Variants in OSBPL1A observed in about 807,000 individuals in gnomAD.
OSBPL1A encodes oxysterol-binding protein-related protein 1.
A neutral mutation model predicts 137.1 loss-of-function variants in OSBPL1A; 80 were observed. The ratio of observed to expected loss-of-function variants is 0.58; its 90% CI spans 0.49 to 0.70. The LOEUF is 0.70. OSBPL1A is among the 30% of genes least tolerant of loss of function. OSBPL1A has a pLI of 0.00. For synonymous variants in OSBPL1A, 365 were observed against 389.7 expected (o/e 0.94, Z 0.75); for missense variants, 970 against 1,129.4 (o/e 0.86, Z 2.02).
At chr18:24,198,571 C>T (rs868087959) in intron 17 of OSBPL1A, among the ~76,000 whole-genome samples, 10 of 152,204 alleles carry the variant, frequency 6.6e-5, no homozygotes, top group South Asian at 4.2e-4. Flanking sequence ...CCGTAGGACA[C>T]GCAGAGCCAA....
At chr18:24,262,440 A>G (rs997468530) in intron 15 of OSBPL1A, among the ~76,000 whole-genome samples, 1 of 152,192 alleles carries the variant, frequency 6.6e-6, no homozygotes, top group Non-Finnish European at 1.5e-5. Flanking sequence ...CATTTTTAAA[A>G]GTAGGGAAGT....
At chr18:24,321,953 G>C (rs1008505628) in intron 7 of OSBPL1A, among the ~76,000 whole-genome samples, 4 of 152,018 alleles carry the variant, frequency 2.6e-5, no homozygotes, top group African/African-American at 9.7e-5. Flanking sequence ...TCTGGCTGTT[G>C]TGTGCAATAT....
intron 13 of OSBPL1A, among the ~76,000 whole-genome samples, chr18:24,310,546 G>C (rs1332451380): frequency 3.2e-4 from 46 of 143,682 alleles, no homozygotes; most frequent in Non-Finnish European, 7.5e-5. Context: ...AACTTGCAGT[G>C]AGCCGAGATC....
intron 7 of OSBPL1A, among the ~76,000 whole-genome samples, chr18:24,326,121 A>G (rs980003644): frequency 1.3e-5 from 2 of 152,230 alleles, no homozygotes; most frequent in African/African-American, 4.8e-5. Flanking sequence ...AAAAACATAC[A>G]GAATTGTTCT....
chr18:24,224,145 T>G (rs1031335852), intron 17 of OSBPL1A, among the ~76,000 whole-genome samples: 3 of 152,102 alleles, frequency 2.0e-5, no homozygotes, highest in South Asian at 2.1e-4. Flanking sequence ...AAATACAAAC[T>G]GAGACATTTT....
chr18:24,321,056 G>T (rs541938495), intron 7 of OSBPL1A, among the ~76,000 whole-genome samples: 11 of 147,524 alleles, frequency 7.5e-5, no homozygotes, highest in East Asian at 5.9e-4. Flanking sequence ...GAAAAGAAAA[G>T]AATAATAATA....
At chr18:24,320,391 A>G (rs911251315) in intron 7 of OSBPL1A, among the ~76,000 whole-genome samples, 1 of 152,176 alleles carries the variant, frequency 6.6e-6, no homozygotes, top group Non-Finnish European at 1.5e-5. Context: ...CTGGGATACC[A>G]CTTTAGATTG....
chr18:24,259,442 C>T (rs1381228040), intron 15 of OSBPL1A, among the ~76,000 whole-genome samples: 1 of 152,122 alleles, frequency 6.6e-6, no homozygotes, highest in African/African-American at 2.4e-5. Flanking sequence ...TCTCTGTCAG[C>T]TATAGACAAA....
intron 7 of OSBPL1A, among the ~76,000 whole-genome samples, chr18:24,329,783 T>TA (rs921328817): frequency 2.0e-5 from 3 of 152,102 alleles, no homozygotes; most frequent in Non-Finnish European, 4.4e-5. Context: ...TATCTTTGTA[T>TA]AAAAAAAGTC....
At chr18:24,338,924 G>C (rs2091227505) in intron 5 of OSBPL1A, among the ~76,000 whole-genome samples, 2 of 152,132 alleles carry the variant, frequency 1.3e-5, no homozygotes, top group South Asian at 2.1e-4. Flanking sequence ...ATCTTGGCCA[G>C]GGTGGTCTTG....
rs142561204 is a variant in OSBPL1A at position 24,312,082 on chromosome 18, G to A, written c.994C>T (p.His332Tyr). 1.3e-5 allele frequency: 21 copies of A among 1,613,840 alleles called. No homozygotes were observed. The African/African-American group carries it at 1.3e-4, about 10-fold the overall frequency. ...CAGTAGTGAGTGCTGTAAGCAGAAT[G>A]TTCTTCTATTGCTTCCAGCCAGTCC... is the stretch of plus-strand genomic sequence containing the variant. Reference protein sequence around the residue: ...REDWLEAIEEHSAYSTHYCSQ... With the variant: ...REDWLEAIEEYSAYSTHYCSQ... The change falls in exon 13 of 28, where the codon CAT becomes TAT. Residue 332 changes from histidine to tyrosine, a missense_variant. His to Tyr is a moderately conservative substitution (Grantham distance 83). Coordinates refer to ENST00000319481, the MANE Select transcript of OSBPL1A (RefSeq NM_080597.4).
At chr18:24,206,130 G>T (rs2087368612) in intron 17 of OSBPL1A, among the ~76,000 whole-genome samples, 1 of 152,136 alleles carries the variant, frequency 6.6e-6, no homozygotes. Context: ...ACCTCAGATT[G>T]TCCTCGCACC....
intron 15 of OSBPL1A, among the ~76,000 whole-genome samples, chr18:24,248,283 CT>C (rs2088963789): frequency 6.6e-6 from 1 of 152,190 alleles, no homozygotes; most frequent in South Asian, 2.1e-4. Context: ...CCTCTAGTCT[CT>C]TGACATTATA....
At chr18:24,318,480 G>T in intron 9 of OSBPL1A, 121 bp downstream of exon 9, 2 of 832,076 alleles carry the variant, frequency 2.4e-6, no homozygotes, top group South Asian at 1.7e-5. Context: ...TACATTATAC[G>T]ATCCAAGAGC....
At chr18:24,377,654 A>G in intron 1 of OSBPL1A, 119 bp from the exon 2 acceptor site, 1 of 1,018,030 alleles carries the variant, frequency 9.8e-7, no homozygotes, top group South Asian at 1.8e-5. Flanking sequence ...GACAGACACA[A>G]CAACTGAATA....
chr18:24,226,737 G>T (rs960435657), intron 16 of OSBPL1A, among the ~76,000 whole-genome samples: 2 of 152,068 alleles, frequency 1.3e-5, no homozygotes, highest in Non-Finnish European at 2.9e-5. Flanking sequence ...ATGCACCTTT[G>T]GCTCTCAACG....
At chr18:24,352,723 G>A (rs1394853484) in intron 4 of OSBPL1A, among the ~76,000 whole-genome samples, 1 of 152,134 alleles carries the variant, frequency 6.6e-6, no homozygotes, top group Non-Finnish European at 1.5e-5. Context: ...CAGAGATATA[G>A]ACCAATGGAA....
intron 16 of OSBPL1A, among the ~76,000 whole-genome samples, chr18:24,238,122 T>G (rs965196009): frequency 2.0e-5 from 3 of 152,192 alleles, no homozygotes; most frequent in African/African-American, 7.2e-5. Flanking sequence ...ACCATTTTCT[T>G]TAACTTCCTT....
chr18:24,287,916 CT>C (rs1057508812), intron 14 of OSBPL1A, among the ~76,000 whole-genome samples: 1 of 152,220 alleles, frequency 6.6e-6, no homozygotes, highest in Non-Finnish European at 1.5e-5. Flanking sequence ...TGAAAGAAAG[CT>C]TGGACCAAAG....
Sources: allele counts gnomAD v4.1 joint callset (sites outside exome capture counted in the v4.1 genomes callset), GRCh38; gene constraint gnomAD v4.1.1; transcripts MANE v1.5; gene names NCBI Gene and HGNC (gene_info 2026-07-23, HGNC 2026-07-21).